Variants in TRPS1 observed in about 807,000 individuals in gnomAD.
The protein encoded by TRPS1 is zinc finger transcription factor Trps1.
In TRPS1, 6 loss-of-function variants were observed where a neutral mutation model predicts 101.2. The ratio of observed to expected loss-of-function variants is 0.06; its 90% CI spans 0.03 to 0.12. TRPS1 has a LOEUF of 0.12. TRPS1 is among the 10% of genes least tolerant of loss of function. TRPS1 has a pLI of 1.00. For synonymous variants in TRPS1, 578 were observed against 589.8 expected (o/e 0.98, Z 0.29); for missense variants, 1,363 against 1,567.0 (o/e 0.87, Z 2.20).
chr8:115,526,548 T>A (rs1016287118), intron 5 of TRPS1, among the ~76,000 whole-genome samples: 1 of 152,132 alleles, frequency 6.6e-6, no homozygotes, highest in Non-Finnish European at 1.5e-5. Flanking sequence ...ACAAAAATGT[T>A]AGAAAGGGAC....
chr8:115,568,398 T>G (rs1163943509), intron 5 of TRPS1, among the ~76,000 whole-genome samples: 1 of 152,158 alleles, frequency 6.6e-6, no homozygotes, highest in African/African-American at 2.4e-5. Flanking sequence ...TTTTTCAGCT[T>G]TATACATCAG....
chr8:115,645,804 G>A (rs1208657389), intron 1 of TRPS1, among the ~76,000 whole-genome samples: 3 of 152,142 alleles, frequency 2.0e-5, no homozygotes, highest in Non-Finnish European at 4.4e-5. Flanking sequence ...CTTCTTGCAA[G>A]TTTTTCCAAT....
At chr8:115,437,303 G>A (rs1323541625) in intron 5 of TRPS1, among the ~76,000 whole-genome samples, 1 of 152,194 alleles carries the variant, frequency 6.6e-6, no homozygotes, top group African/African-American at 2.4e-5. Flanking sequence ...CCCATGACGG[G>A]TGCCATGGTC....
intron 5 of TRPS1, among the ~76,000 whole-genome samples, chr8:115,449,956 A>AACAC (rs61176190): frequency 0.36 from 52,579 of 146,642 alleles, 10,868 homozygotes; most frequent in South Asian, 0.48. Context: ...TATGTGATTT[A>AACAC]ACACACACAC....
intron 5 of TRPS1, among the ~76,000 whole-genome samples, chr8:115,556,339 T>G (rs573176220): frequency 6.6e-6 from 1 of 152,122 alleles, no homozygotes; most frequent in Admixed American, 6.5e-5. Flanking sequence ...AATTCTGAAC[T>G]TTTTTTTACT....
At chr8:115,436,149 A>G (rs2129856334) in intron 5 of TRPS1, among the ~76,000 whole-genome samples, 1 of 152,236 alleles carries the variant, frequency 6.6e-6, no homozygotes, top group African/African-American at 2.4e-5. Context: ...GTGGCAGAAA[A>G]TACAACTCAC....
intron 3 of TRPS1, 43 bp from the exon 4 acceptor site, chr8:115,605,045 A>G: frequency 6.3e-7 from 1 of 1,593,440 alleles, no homozygotes; most frequent in South Asian, 1.1e-5. Flanking sequence ...AGGTGTCATT[A>G]ATTCAATGGG....
intron 5 of TRPS1, among the ~76,000 whole-genome samples, chr8:115,519,534 C>T (rs770361654): frequency 3.3e-5 from 5 of 151,318 alleles, no homozygotes; most frequent in African/African-American, 4.8e-5. Context: ...AAATTAAGAG[C>T]GGAATTTTAA....
chr8:115,534,601 G>GT (rs1261076820), intron 5 of TRPS1, among the ~76,000 whole-genome samples: 1 of 152,200 alleles, frequency 6.6e-6, no homozygotes, highest in Non-Finnish European at 1.5e-5. Flanking sequence ...AAGAAAACAT[G>GT]TTTCATGCTT....
chr8:115,533,556 T>G (rs1816204791), intron 5 of TRPS1, among the ~76,000 whole-genome samples: 1 of 149,292 alleles, frequency 6.7e-6, no homozygotes, highest in South Asian at 2.1e-4. Flanking sequence ...ACATAAAGGT[T>G]TCCTACAAAC....
chr8:115,628,917 C>T (rs1396578381), intron 1 of TRPS1, among the ~76,000 whole-genome samples: 1 of 151,840 alleles, frequency 6.6e-6, no homozygotes. Context: ...TCCCAGAGAT[C>T]CACAATGTAC....
intron 5 of TRPS1, among the ~76,000 whole-genome samples, chr8:115,445,351 C>A (rs1813706550): frequency 6.6e-6 from 1 of 152,174 alleles, no homozygotes; most frequent in Non-Finnish European, 1.5e-5. Flanking sequence ...TCAGCTAAAC[C>A]TTTTATGCTG....
chr8:115,572,673 T>C (rs2130400724), intron 5 of TRPS1, among the ~76,000 whole-genome samples: 1 of 152,324 alleles, frequency 6.6e-6, no homozygotes, highest in Non-Finnish European at 1.5e-5. Context: ...TGTTAGTTAA[T>C]TTGGAAGTCA....
intron 5 of TRPS1, among the ~76,000 whole-genome samples, chr8:115,504,090 A>C (rs527604617): frequency 6.6e-6 from 1 of 152,278 alleles, no homozygotes; most frequent in East Asian, 1.9e-4. Flanking sequence ...TTTATTCCCT[A>C]AACCTTCTCA....
chr8:115,414,250 T>C lies in TRPS1; in HGVS notation c.3658A>G (p.Arg1220Gly). 1 of 1,614,048 alleles carries C rather than the reference T, an allele frequency of 6.2e-7. No individual in the cohort carries two copies. Among genetic ancestry groups the C allele is most frequent in the Non-Finnish European group, 8.5e-7 (1 of 1,179,952 alleles). ...GTTGAAAGTTCATCTTGAGTACTTCTATCAACTTTCTCTGTTTTTACTACA... is the reference window on the plus strand; with the variant it reads ...GTTGAAAGTTCATCTTGAGTACTTCCATCAACTTTCTCTGTTTTTACTACA... ...LNVVKTEKVD[R>G]STQDELSTKC... is the part of the protein sequence containing the mutation. Residue 1220 changes from arginine to glycine, a missense_variant, in exon 7 of 7, where the codon AGA becomes GGA. Around this residue, in one of 5 missense-constraint regions of TRPS1, gnomAD observed 307 missense variants for 392.4 expected, o/e 0.78. Coordinates refer to ENST00000395715, the MANE Select transcript of TRPS1 (RefSeq NM_014112.5). This position sits in a 1 kb window ranked among gnomAD's most constrained non-coding sequence, Gnocchi z 4.8.
chr8:115,495,790 C>T (rs1029655354), intron 5 of TRPS1, among the ~76,000 whole-genome samples: 2 of 152,074 alleles, frequency 1.3e-5, no homozygotes, highest in African/African-American at 4.8e-5. Context: ...AGGTTACACA[C>T]AAGTGATAGA....
At chr8:115,555,790 T>C (rs909107294) in intron 5 of TRPS1, among the ~76,000 whole-genome samples, 6 of 151,838 alleles carry the variant, frequency 4.0e-5, no homozygotes, top group Admixed American at 1.3e-4. Context: ...ATTGCTTGAG[T>C]CTAGGAGTTC....
In TRPS1 at chr8:115,533,436, G is replaced by GTTTTTTTTTTTTTTTTTT. The variant is rs1161916592; in HGVS notation, c.2700+53547_2700+53564dup. 3.1e-4 allele frequency among the ~76,000 whole-genome samples: 11 copies of GTTTTTTTTTTTTTTTTTT among 35,000 alleles called. 4 individuals are homozygous for GTTTTTTTTTTTTTTTTTT. Among genetic ancestry groups the GTTTTTTTTTTTTTTTTTT allele is most frequent in the East Asian group, 2.2e-3 (2 of 928 alleles). 23.0% of individuals were successfully genotyped at this position (35,000 alleles called of 152,430 possible). A position where few individuals can be genotyped will look rare whatever the true frequency, so the allele number is the denominator to read the frequency against. On this transcript the variant is annotated intron_variant, in intron 5 of 6. Coordinates refer to ENST00000395715, the MANE Select transcript of TRPS1 (RefSeq NM_014112.5). The stretch of plus-strand genomic sequence containing the variant: ...GGGGCCCGCTTCCCACATGTAATCT[G>GTTTTTTTTTTTTTTTTTT]TTTTTTTTTTTTTTTTTTTTTTTCC...
At chr8:115,514,983 A>G (rs1386471675) in intron 5 of TRPS1, among the ~76,000 whole-genome samples, 2 of 151,642 alleles carry the variant, frequency 1.3e-5, no homozygotes, top group Non-Finnish European at 3.0e-5. Flanking sequence ...AGACTATTAC[A>G]ACCTAAGACT....
Sources: allele counts gnomAD v4.1 joint callset (sites outside exome capture counted in the v4.1 genomes callset), GRCh38; gene constraint gnomAD v4.1.1; regional missense constraint gnomAD v4.1.1; non-coding constraint Gnocchi (gnomAD v3.1); transcripts MANE v1.5; gene names NCBI Gene and HGNC (gene_info 2026-07-23, HGNC 2026-07-21).